SGIP1: variants seen among roughly 807,000 people sequenced by gnomAD.
SGIP1 encodes the protein SH3-containing GRB2-like protein 3-interacting protein 1.
A neutral mutation model predicts 107.5 loss-of-function variants in SGIP1; 38 were observed. The ratio of observed to expected loss-of-function variants is 0.35; its 90% CI spans 0.27 to 0.46. SGIP1 has a LOEUF of 0.46. SGIP1 is among the 20% of genes least tolerant of loss of function. The pLI, the probability that SGIP1 is intolerant of heterozygous loss-of-function variation, is 1.00. For synonymous variants in SGIP1, 365 were observed against 366.1 expected, an observed-to-expected ratio of 1.00 and a Z score of 0.03; for missense variants, 929 against 1,019.5, an observed-to-expected ratio of 0.91 and a Z score of 1.21.
chr1:66,682,280 C>A lies in SGIP1; in HGVS notation c.1226C>A (p.Ala409Glu), dbSNP rs531131210. The A allele has an allele frequency of 2.5e-5, 40 of 1,614,220 alleles. No homozygotes were observed. In the Middle Eastern group the frequency reaches 4.9e-4, roughly 20 times the overall value. ...AAAGATTTTGGGTTGGGACAAAGAGCAACTCCACCTCCCCCACCACCACCC... is the reference window on the plus strand; with the variant it reads ...AAAGATTTTGGGTTGGGACAAAGAGAAACTCCACCTCCCCCACCACCACCC... ...SPKDFGLGQRATPPPPPPPTY... is the reference protein window; with the variant it reads ...SPKDFGLGQRETPPPPPPPTY... Residue 409 changes from alanine (A) to glutamate (E), a missense_variant, in exon 15 of 25, where the codon GCA becomes GAA. By Grantham distance (107) the Ala-to-Glu change is moderately radical (BLOSUM62 -1). Transcript: ENST00000371037.
chr1:66,586,019 G>T (rs151001909), intron 1 of SGIP1, among the ~76,000 whole-genome samples: 224 of 152,120 alleles, frequency 1.5e-3, no homozygotes, highest in African/African-American at 5.1e-3. Context: ...AATTTTTGTT[G>T]CACATATTCT....
At chr1:66,664,112 G>T (rs943139742) in intron 8 of SGIP1, among the ~76,000 whole-genome samples, 1 of 152,074 alleles carries the variant, frequency 6.6e-6, no homozygotes, top group Non-Finnish European at 1.5e-5. Context: ...CTACACCAAA[G>T]AACTTTTTAA....
chr1:66,703,878 G>GTGTA (rs1553165297), intron 18 of SGIP1, among the ~76,000 whole-genome samples: 1 of 151,704 alleles, frequency 6.6e-6, no homozygotes, highest in African/African-American at 2.4e-5. Context: ...AGAACTCTGT[G>GTGTA]TGTGTGTGTG....
chr1:66,534,250 CG>C lies in SGIP1; in HGVS notation c.-107del. ...TATCTCCTTTGGCTTTGACAGCGGA[CG>C]GAATAGACCTCAGCAGCGGCGTGGT... On this transcript the variant is annotated 5_prime_UTR_variant, in exon 1 of 25. Coordinates refer to ENST00000371037, the MANE Select transcript of SGIP1 (RefSeq NM_032291.4). 2 of 1,179,734 alleles carry C rather than the reference CG, an allele frequency of 1.7e-6. No homozygotes were observed. Among genetic ancestry groups the C allele is most frequent in the Non-Finnish European group, 2.5e-6 (2 of 788,774 alleles). The allele number at this position is 1,179,734 out of a possible 1,614,324, so 73.1% of individuals were successfully genotyped here. A position where few individuals can be genotyped will look rare whatever the true frequency, so the allele number is the denominator to read the frequency against.
intron 13 of SGIP1, 79 bp from the exon 14 acceptor site, chr1:66,679,599 A>C: frequency 2.8e-6 from 4 of 1,451,224 alleles, no homozygotes; most frequent in Non-Finnish European, 3.7e-6. Flanking sequence ...CTGAAAGCCC[A>C]AATCCTGCTT....
chr1:66,554,508 T>C (rs534202099), intron 1 of SGIP1, among the ~76,000 whole-genome samples: 7 of 152,210 alleles, frequency 4.6e-5, no homozygotes, highest in African/African-American at 1.7e-4. Context: ...TTTTGAGAGG[T>C]AACATGATGC....
chr1:66,679,862 A>T lies in SGIP1; in HGVS notation c.814+110A>T, dbSNP rs565133002. 1.1e-5 allele frequency: 11 copies of T among 986,224 alleles called. No homozygotes were observed. The African/African-American group carries it at 1.7e-4, about 15-fold the overall frequency. 61.1% of individuals were successfully genotyped at this position (986,224 alleles called of 1,614,324 possible). On this transcript the variant is annotated intron_variant, in intron 14 of 24. Transcript: ENST00000371037. ...CTGTAGGCTACACAAAAACATCACA[A>T]TGTTGGCATTCAGTTTTGCTTTCAT...
intron 1 of SGIP1, among the ~76,000 whole-genome samples, chr1:66,543,286 T>C (rs1429223412): frequency 1.3e-5 from 2 of 152,190 alleles, no homozygotes; most frequent in Non-Finnish European, 2.9e-5. Flanking sequence ...AAGCCCTTTT[T>C]TTTCCCTGAG....
At chr1:66,733,172 T>C (rs1289916558) in intron 20 of SGIP1, among the ~76,000 whole-genome samples, 1 of 152,230 alleles carries the variant, frequency 6.6e-6, no homozygotes, top group Non-Finnish European at 1.5e-5. Context: ...AGGATCATCT[T>C]ATAAGTGAAG....
rs1348931656 is a variant in SGIP1 at position 66,631,047 on chromosome 1, GAAA to G, written c.75-2022_75-2020del. On this transcript the variant is annotated intron_variant, in intron 2 of 24. Transcript: ENST00000371037. ...GGAAAGGAAGGAAGGAAGAAAGGAAGAAAGAAAGAAAGAAAGAAAGAAAGAAAG... is the reference window on the plus strand; with the variant it reads ...GGAAAGGAAGGAAGGAAGAAAGGAAGGAAAGAAAGAAAGAAAGAAAGAAAG... Among the ~76,000 whole-genome samples the G allele has an allele frequency of 3.8e-3, 121 of 32,138 alleles. 2 individuals are homozygous for G. Among genetic ancestry groups the G allele is most frequent in the African/African-American group, 0.011 (115 of 10,346 alleles). The allele number at this position is 32,138 out of a possible 152,430, so 21.1% of individuals were successfully genotyped here. A position where few individuals can be genotyped will look rare whatever the true frequency, so the allele number is the denominator to read the frequency against.
At chr1:66,640,167 G>C (rs1192134912) in intron 5 of SGIP1, among the ~76,000 whole-genome samples, 3 of 152,158 alleles carry the variant, frequency 2.0e-5, no homozygotes, top group African/African-American at 7.2e-5. Flanking sequence ...TGGACACCCT[G>C]ATCTAGCCCC....
At chr1:66,667,617 T>C in intron 9 of SGIP1, 76 bp downstream of exon 9, 1 of 1,369,240 alleles carries the variant, frequency 7.3e-7, no homozygotes, top group Admixed American at 1.7e-5. Flanking sequence ...CAGGTTGGTT[T>C]CCCATTAAAT....
chr1:66,734,608 G>T (rs2094152709), intron 21 of SGIP1, among the ~76,000 whole-genome samples: 1 of 150,988 alleles, frequency 6.6e-6, no homozygotes, highest in Admixed American at 6.6e-5. Flanking sequence ...GTGTTCAAGC[G>T]ATTCTCCTGC....
chr1:66,612,188 G>A (rs564740157), intron 1 of SGIP1, among the ~76,000 whole-genome samples: 5 of 152,146 alleles, frequency 3.3e-5, no homozygotes, highest in Non-Finnish European at 5.9e-5. Flanking sequence ...GAGGGGAGGA[G>A]GTGCCAGGTT....
intron 7 of SGIP1, among the ~76,000 whole-genome samples, chr1:66,654,139 C>A (rs962950643): frequency 6.6e-6 from 1 of 152,036 alleles, no homozygotes; most frequent in South Asian, 2.1e-4. Flanking sequence ...AAATGTATGC[C>A]GTATCTAGCT....
At chr1:66,704,591 T>C (rs1369340972) in intron 18 of SGIP1, 1 of 152,242 alleles carries the variant, frequency 6.6e-6, no homozygotes, top group East Asian at 1.9e-4. Flanking sequence ...GGAAACTGCT[T>C]CATCTTTGGA....
At chr1:66,542,639 C>T (rs1457592785) in intron 1 of SGIP1, among the ~76,000 whole-genome samples, 1 of 152,182 alleles carries the variant, frequency 6.6e-6, no homozygotes, top group African/African-American at 2.4e-5. Context: ...TTTCATTACA[C>T]TACTCAAAAT....
chr1:66,635,833 A>G (rs187324330), intron 3 of SGIP1, 111 bp from the exon 4 acceptor site: 2 of 1,127,724 alleles, frequency 1.8e-6, no homozygotes, highest in East Asian at 4.8e-5. Context: ...TGGCCTAGAG[A>G]TGGTTTCTTC....
intron 1 of SGIP1, among the ~76,000 whole-genome samples, chr1:66,612,799 G>A (rs752109253): frequency 1.3e-5 from 2 of 152,134 alleles, no homozygotes; most frequent in Non-Finnish European, 2.9e-5. Context: ...CAGGAATTAC[G>A]GAGGTTTAAA....
Sources: gnomAD v4.1 joint callset for allele counts (sites outside exome capture counted in the v4.1 genomes callset) on GRCh38, gnomAD v4.1.1 for gene constraint, MANE v1.5 for transcripts, NCBI Gene and HGNC (gene_info 2026-07-23, HGNC 2026-07-21) for gene names.